MCU: variants seen among roughly 807,000 people sequenced by gnomAD.
The protein encoded by MCU is mitochondrial calcium uniporter.
Under a neutral mutation model 45.2 loss-of-function variants are expected in MCU, and 12 were observed. The ratio of observed to expected loss-of-function variants is 0.27; its 90% CI spans 0.17 to 0.43. MCU has a LOEUF of 0.43. Ranked by LOEUF, MCU falls within the 20% of genes least tolerant of loss-of-function variation. MCU has a pLI of 1.00. For missense variants in MCU, 324 were observed against 436.7 expected (o/e 0.74, Z 2.30); for synonymous variants, 160 against 165.1 (o/e 0.97, Z 0.24).
intron 1 of MCU, among the ~76,000 whole-genome samples, chr10:72,799,092 A>G (rs921526684): frequency 5.3e-5 from 8 of 151,410 alleles, no homozygotes; most frequent in African/African-American, 1.9e-4. Context: ...ACGCCCAGCT[A>G]ATTTTTGTAT....
chr10:72,737,342 TTA>T (rs1843264591), intron 1 of MCU, among the ~76,000 whole-genome samples: 1 of 152,228 alleles, frequency 6.6e-6, no homozygotes, highest in Non-Finnish European at 1.5e-5. Context: ...CAAAAAATTA[TTA>T]TTCTGTACCT....
chr10:72,698,027 C>T (rs144016068), intron 1 of MCU, among the ~76,000 whole-genome samples: 1,850 of 151,820 alleles, frequency 0.012, 16 homozygotes, highest in Non-Finnish European at 0.018. Context: ...TAGATCCTCT[C>T]ACTTTAGCCT....
chr10:72,693,034 G>A (rs1264472085), intron 1 of MCU: 3 of 1,536,204 alleles, frequency 2.0e-6, no homozygotes, highest in East Asian at 2.4e-5. Context: ...GAAGCGGGAA[G>A]GGTGGTCAGC....
chr10:72,756,775 CCCT>C (rs1041980390), intron 1 of MCU: 2 of 152,012 alleles, frequency 1.3e-5, no homozygotes, highest in African/African-American at 4.8e-5. Context: ...TGTCCAGCTC[CCCT>C]CCTCACAATC....
intron 1 of MCU, among the ~76,000 whole-genome samples, chr10:72,719,965 G>A (rs749556772): frequency 9.9e-5 from 15 of 152,106 alleles, no homozygotes; most frequent in Non-Finnish European, 1.3e-4. Context: ...TTGAGCTCCT[G>A]GCCTCAAGTG....
At position 72,877,202 on chromosome 10, in the gene MCU, G is replaced by A. The variant is rs1845631262; in HGVS notation, c.861+5622G>A. Among the ~76,000 whole-genome samples, 5 of 152,160 alleles carry A rather than the reference G, an allele frequency of 3.3e-5. No homozygotes were observed. In the South Asian group the frequency reaches 1.0e-3, roughly 32 times the overall value. ...CTCAAAATACTAGGATTACAGGCAT[G>A]AGCCACTGCACTTAGCCCAAATCAC... On this transcript the variant is annotated intron_variant, in intron 6 of 7. Transcript: ENST00000373053.
intron 4 of MCU, among the ~76,000 whole-genome samples, chr10:72,866,009 C>T (rs1385184721): frequency 6.6e-6 from 1 of 152,148 alleles, no homozygotes; most frequent in East Asian, 1.9e-4. Flanking sequence ...GATCTCCTGA[C>T]CTCGTGATCC....
chr10:72,882,467 T>G (rs568997561), intron 6 of MCU, among the ~76,000 whole-genome samples: 1 of 152,302 alleles, frequency 6.6e-6, no homozygotes, highest in African/African-American at 2.4e-5. Flanking sequence ...AGAAAGAGAA[T>G]GCACCCCTGA....
chr10:72,748,618 A>C (rs970259779), intron 1 of MCU, among the ~76,000 whole-genome samples: 4 of 152,086 alleles, frequency 2.6e-5, no homozygotes, highest in African/African-American at 9.7e-5. Context: ...GGAGTTTGAG[A>C]CCAGCCTAGG....
intron 1 of MCU, among the ~76,000 whole-genome samples, chr10:72,805,019 C>T (rs960777391): frequency 1.3e-5 from 2 of 152,096 alleles, no homozygotes; most frequent in African/African-American, 4.8e-5. Context: ...ATATTCCTGC[C>T]TCTGCCTCCC....
At chr10:72,786,762 T>A (rs935829797) in intron 1 of MCU, among the ~76,000 whole-genome samples, 1 of 152,006 alleles carries the variant, frequency 6.6e-6, no homozygotes, top group Non-Finnish European at 1.5e-5. Context: ...AATAAATAAG[T>A]AAAAATAAAT....
intron 1 of MCU, among the ~76,000 whole-genome samples, chr10:72,720,852 TA>T (rs1479163726): frequency 6.6e-6 from 1 of 152,218 alleles, no homozygotes; most frequent in Admixed American, 6.5e-5. Context: ...AACGTGCATC[TA>T]AGACTCCTGG....
chr10:72,773,402 T>A (rs1843841476), intron 1 of MCU, among the ~76,000 whole-genome samples: 1 of 151,990 alleles, frequency 6.6e-6, no homozygotes, highest in Non-Finnish European at 1.5e-5. Flanking sequence ...GAGAAAATAG[T>A]GAACTTGAAG....
At chr10:72,809,912 A>G (rs1315294529) in intron 1 of MCU, among the ~76,000 whole-genome samples, 1 of 152,190 alleles carries the variant, frequency 6.6e-6, no homozygotes, top group Admixed American at 6.5e-5. Context: ...GGAGGTAGTC[A>G]GCAGTATCAA....
At chr10:72,875,090 A>G (rs1845598640) in intron 6 of MCU, among the ~76,000 whole-genome samples, 1 of 152,188 alleles carries the variant, frequency 6.6e-6, no homozygotes, top group Admixed American at 6.5e-5. Context: ...CTCCAAGAGG[A>G]TAAGTAATCT....
Position 72,725,142 on chromosome 10 carries a change from T to C in MCU, c.150+32841T>C, listed in dbSNP as rs190851191. On this transcript the variant is annotated intron_variant, in intron 1 of 7. Transcript: ENST00000373053. ...ACCACACCTGGCTAATTTTTTTTTTTTGAGACGGAGTCTCGCTCTGTCACC... is the reference window on the plus strand; with the variant it reads ...ACCACACCTGGCTAATTTTTTTTTTCTGAGACGGAGTCTCGCTCTGTCACC... Among the ~76,000 whole-genome samples, 899 of 152,152 alleles carry C rather than the reference T, an allele frequency of 5.9e-3. 12 individuals are homozygous for C. The highest frequency in any genetic ancestry group is 0.02 in the African/African-American group (847 of 41,508).
intron 1 of MCU, among the ~76,000 whole-genome samples, chr10:72,819,431 A>C (rs1006632632): frequency 1.3e-5 from 2 of 152,114 alleles, no homozygotes; most frequent in Non-Finnish European, 2.9e-5. Context: ...CTCATCCATA[A>C]GTTTGTTTGT....
intron 1 of MCU, among the ~76,000 whole-genome samples, chr10:72,781,090 T>C (rs1027304787): frequency 6.6e-5 from 10 of 152,150 alleles, no homozygotes; most frequent in African/African-American, 2.4e-4. Flanking sequence ...ATTGGAACAC[T>C]GTAGTGGGCA....
At chr10:72,848,230 G>A (rs1845151332) in intron 2 of MCU, among the ~76,000 whole-genome samples, 1 of 152,146 alleles carries the variant, frequency 6.6e-6, no homozygotes, top group South Asian at 2.1e-4. Context: ...AAGTCAAGAG[G>A]CATCTATACT....
Sources: allele counts gnomAD v4.1 joint callset (sites outside exome capture counted in the v4.1 genomes callset), GRCh38; gene constraint gnomAD v4.1.1; transcripts MANE v1.5; gene names NCBI Gene and HGNC (gene_info 2026-07-23, HGNC 2026-07-21).